Variants in SORCS2 observed in about 807,000 individuals in gnomAD.
SORCS2 encodes the protein VPS10 domain-containing receptor SorCS2.
Under a neutral mutation model 141.6 loss-of-function variants are expected in SORCS2, and 100 were observed. The observed-to-expected ratio is 0.71, with a 90% confidence interval of 0.60 to 0.83. SORCS2 has a LOEUF of 0.83. Among genes scored for constraint, SORCS2 ranks in the 40% least tolerant of loss-of-function variants. The pLI, the probability that SORCS2 is intolerant of heterozygous loss-of-function variation, is 0.00. For synonymous variants in SORCS2, 789 were observed against 676.9 expected, an observed-to-expected ratio of 1.17 and a Z score of -2.57; for missense variants, 1,646 against 1,560.2, an observed-to-expected ratio of 1.05 and a Z score of -0.93.
chr4:7,528,792 A>G (rs922312447), intron 2 of SORCS2, among the ~76,000 whole-genome samples: 5 of 151,902 alleles, frequency 3.3e-5, no homozygotes, highest in African/African-American at 1.2e-4. Flanking sequence ...ATCATAAAGT[A>G]CCACTGTGGC....
At chr4:7,516,288 G>C (rs1050160522) in intron 2 of SORCS2, among the ~76,000 whole-genome samples, 3 of 152,112 alleles carry the variant, frequency 2.0e-5, no homozygotes, top group African/African-American at 7.2e-5. Context: ...GCCCAGCTGG[G>C]CGTGGGGAGG....
At chr4:7,679,203 G>A (rs975487952) in intron 9 of SORCS2, among the ~76,000 whole-genome samples, 1 of 152,174 alleles carries the variant, frequency 6.6e-6, no homozygotes, top group Non-Finnish European at 1.5e-5. Context: ...CCCCAGCAGG[G>A]CACAACCCAG....
intron 1 of SORCS2, among the ~76,000 whole-genome samples, chr4:7,314,502 G>A (rs942696204): frequency 1.3e-5 from 2 of 151,950 alleles, no homozygotes; most frequent in African/African-American, 4.8e-5. Context: ...ACCACGCCCG[G>A]CTACATTTTT....
chr4:7,582,146 T>G (rs1396739415), intron 3 of SORCS2, among the ~76,000 whole-genome samples: 3 of 152,214 alleles, frequency 2.0e-5, no homozygotes, highest in Non-Finnish European at 4.4e-5. Flanking sequence ...AGGCATTAAT[T>G]CCAATATGCA....
intron 3 of SORCS2, among the ~76,000 whole-genome samples, chr4:7,611,334 C>G (rs1718391979): frequency 6.6e-6 from 1 of 152,314 alleles, no homozygotes; most frequent in Admixed American, 6.5e-5. Context: ...GGCTCAAGTC[C>G]TGGCTGAGAT....
rs75412672 is a variant in SORCS2 at position 7,550,227 on chromosome 4, G to A, written c.648+18598G>A. On this transcript the variant is annotated intron_variant, in intron 3 of 26. Coordinates refer to ENST00000507866, the MANE Select transcript of SORCS2 (RefSeq NM_020777.3). ...GCAGTTGCCTCCCTGCCTGTGAACC[G>A]CCCTGAGACTGTGCTATCAGGGAGC... is the stretch of plus-strand genomic sequence containing the variant. 7.6e-3 allele frequency among the ~76,000 whole-genome samples: 1,152 copies of A among 151,686 alleles called. 20 individuals are homozygous for A. The highest frequency in any genetic ancestry group is 0.027 in the African/African-American group (1,111 of 41,330).
intron 2 of SORCS2, among the ~76,000 whole-genome samples, chr4:7,486,158 G>T (rs1260863072): frequency 6.7e-6 from 1 of 149,272 alleles, no homozygotes; most frequent in Non-Finnish European, 1.5e-5. Context: ...TGCAGCACCT[G>T]CCTCCTGAGG....
At chr4:7,717,713 G>A (rs1726287214) in intron 17 of SORCS2, among the ~76,000 whole-genome samples, 2 of 147,874 alleles carry the variant, frequency 1.4e-5, no homozygotes, top group South Asian at 2.1e-4. Context: ...CAGCACTAAC[G>A]GTGGCTGTTA....
chr4:7,519,843 G>A (rs866323144), intron 2 of SORCS2, among the ~76,000 whole-genome samples: 5 of 152,244 alleles, frequency 3.3e-5, no homozygotes, highest in South Asian at 2.1e-4. Flanking sequence ...TGCTAGAGCA[G>A]CAGCTGCATT....
At chr4:7,739,765 G>T (rs1712500053) in intron 26 of SORCS2, among the ~76,000 whole-genome samples, 1 of 152,122 alleles carries the variant, frequency 6.6e-6, no homozygotes, top group South Asian at 2.1e-4. Context: ...GGGACACCCG[G>T]CTCACCCCTT....
chr4:7,456,838 G>A (rs938925160), intron 2 of SORCS2, among the ~76,000 whole-genome samples: 3 of 152,044 alleles, frequency 2.0e-5, no homozygotes, highest in Non-Finnish European at 4.4e-5. Flanking sequence ...AGGCTTTGGG[G>A]CCTGCAGAAT....
intron 1 of SORCS2, among the ~76,000 whole-genome samples, chr4:7,324,022 G>A (rs1018595602): frequency 6.6e-6 from 1 of 152,172 alleles, no homozygotes; most frequent in Admixed American, 6.5e-5. Context: ...CCATCCTTAC[G>A]CGATGGGTCT....
chr4:7,573,482 A>C (rs1179505368), intron 3 of SORCS2, among the ~76,000 whole-genome samples: 1 of 152,166 alleles, frequency 6.6e-6, no homozygotes, highest in African/African-American at 2.4e-5. Flanking sequence ...GAGTTCTATT[A>C]GTTTCTTGGT....
At chr4:7,369,763 C>A (rs570864414) in intron 1 of SORCS2, among the ~76,000 whole-genome samples, 94 of 152,296 alleles carry the variant, frequency 6.2e-4, no homozygotes, top group African/African-American at 2.0e-3. Flanking sequence ...TGGAGCAGAT[C>A]CACCCGTGGA....
At chr4:7,714,874 G>A (rs1016636522) in intron 16 of SORCS2, among the ~76,000 whole-genome samples, 7 of 151,884 alleles carry the variant, frequency 4.6e-5, no homozygotes, top group Non-Finnish European at 8.8e-5. Flanking sequence ...TGCTCAGGCT[G>A]GGCCCTGCCA....
At chr4:7,639,551 GTGTGAC>G (rs1214272509) in intron 4 of SORCS2, among the ~76,000 whole-genome samples, 3 of 149,086 alleles carry the variant, frequency 2.0e-5, no homozygotes, top group African/African-American at 4.9e-5. Context: ...GTGTGAATGT[GTGTGAC>G]TGTGGGTGCA....
intron 2 of SORCS2, among the ~76,000 whole-genome samples, chr4:7,508,586 C>T (rs1303701192): frequency 2.0e-5 from 3 of 152,108 alleles, no homozygotes; most frequent in Admixed American, 6.5e-5. Flanking sequence ...GATCCATCCA[C>T]CTTGGCCTCC....
intron 2 of SORCS2, among the ~76,000 whole-genome samples, chr4:7,516,766 C>A (rs547878429): frequency 6.6e-6 from 1 of 152,200 alleles, no homozygotes; most frequent in African/African-American, 2.4e-5. Context: ...CTCCCCTTCT[C>A]GGCATGGTCC....
chr4:7,539,904 C>A (rs1275089146), intron 3 of SORCS2, among the ~76,000 whole-genome samples: 3 of 151,460 alleles, frequency 2.0e-5, no homozygotes, highest in Non-Finnish European at 4.4e-5. Flanking sequence ...ACGCCCACTC[C>A]CTGTTGTGGA....
Sources: allele counts gnomAD v4.1 joint callset (sites outside exome capture counted in the v4.1 genomes callset), GRCh38; gene constraint gnomAD v4.1.1; transcripts MANE v1.5; gene names NCBI Gene and HGNC (gene_info 2026-07-23, HGNC 2026-07-21).